Variants in CHEK2 observed in about 807,000 individuals in gnomAD.
CHEK2 encodes serine/threonine-protein kinase Chk2.
In CHEK2, 71 loss-of-function variants were observed where a neutral mutation model predicts 69.1. That is an observed-to-expected ratio of 1.03 (90% confidence interval 0.85 to 1.25). The LOEUF (loss-of-function observed/expected upper bound fraction) is 1.25, where lower values mean the gene tolerates loss of function less well. Among genes scored for constraint, CHEK2 ranks in the 50% most tolerant of loss-of-function variants. The probability of loss-of-function intolerance (pLI) is 0.00; values close to 1 mark genes in which losing one functional copy is unlikely to be tolerated. For synonymous variants in CHEK2, 189 were observed against 226.9 expected, an observed-to-expected ratio of 0.83 and a Z score of 1.50; for missense variants, 664 against 649.6, an observed-to-expected ratio of 1.02 and a Z score of -0.24.
At chr22:28,707,005 G>A (rs1162690224) in intron 7 of CHEK2, among the ~76,000 whole-genome samples, 3 of 152,192 alleles carry the variant, frequency 2.0e-5, no homozygotes, top group Admixed American at 6.5e-5. Flanking sequence ...GAACTGCTTG[G>A]TTCTGGTTGG....
At chr22:28,690,127 T>C (rs1265067094) in intron 13 of CHEK2, among the ~76,000 whole-genome samples, 15 of 152,176 alleles carry the variant, frequency 9.9e-5, no homozygotes. Context: ...GAGCCAAGCA[T>C]ACCACAGTGG....
intron 5 of CHEK2, among the ~76,000 whole-genome samples, chr22:28,717,129 A>G (rs2145988543): frequency 6.6e-6 from 1 of 152,290 alleles, no homozygotes; most frequent in East Asian, 1.9e-4. Flanking sequence ...CTATAATCCC[A>G]GCACTTTGGG....
Position 28,719,420 on chromosome 22 carries a change from A to G in CHEK2, c.658T>C (p.Tyr220His), listed in dbSNP as rs1555924429. Reference sequence around the variant, plus strand: ...CTTCCAAGAGTTTTTGACATGATGTATTCATCTCTTAATGCCTTAGGATAA... The same window carrying G: ...CTTCCAAGAGTTTTTGACATGATGTGTTCATCTCTTAATGCCTTAGGATAA... Reference protein sequence around the residue: ...SVYPKALRDEYIMSKTLGSGA... With the variant: ...SVYPKALRDEHIMSKTLGSGA... The change falls in exon 5 of 15, where the codon TAC (tyrosine) becomes CAC (histidine). Residue 220 changes from tyrosine (Y) to histidine (H), a missense_variant. By Grantham distance (83) the Tyr-to-His change is moderately conservative. Coordinates refer to ENST00000404276, the MANE Select transcript of CHEK2 (RefSeq NM_007194.4). 6.3e-7 allele frequency: 1 copy of G among 1,593,612 alleles called. No homozygotes were observed. Among genetic ancestry groups the G allele is most frequent in the Non-Finnish European group, 8.6e-7 (1 of 1,168,468 alleles).
At position 28,696,942 on chromosome 22, in the gene CHEK2, T is replaced by A. The variant is rs1361935182; in HGVS notation, c.1054A>T (p.Asn352Tyr). The A allele has an allele frequency of 6.2e-7, 1 of 1,613,578 alleles. No individual in the cohort carries two copies. The highest frequency in any genetic ancestry group is 8.5e-7 in the Non-Finnish European group (1 of 1,179,580). The change falls in exon 10 of 15, where the codon AAT becomes TAT. Residue 352 changes from asparagine to tyrosine, a missense_variant. Asn to Tyr is a moderately radical substitution (Grantham distance 143). Coordinates refer to ENST00000404276, the MANE Select transcript of CHEK2 (RefSeq NM_007194.4). ...GIIHRDLKPENVLLSSQEEDC... is the reference protein window; with the variant it reads ...GIIHRDLKPEYVLLSSQEEDC... ...TCTTCTTGAGATGACAGTAAAACAT[T>A]CTCTGGCTTTAAGTCACGGTGTATA...
In CHEK2 at chr22:28,739,646, G is replaced by T. The variant is rs904685698; in HGVS notation, c.-7+2123C>A. 7.3e-5 allele frequency among the ~76,000 whole-genome samples: 11 copies of T among 151,700 alleles called. No individual in the cohort carries two copies. The South Asian group carries it at 2.3e-3, about 32-fold the overall frequency. ...AGAGGAGGCAGTGAGCCAAAATCGCGCCACTGCATTCCAGCCTGGGCGACA... is the reference window on the plus strand; with the variant it reads ...AGAGGAGGCAGTGAGCCAAAATCGCTCCACTGCATTCCAGCCTGGGCGACA... On this transcript the variant is annotated intron_variant, in intron 1 of 14. Transcript: ENST00000404276.
intron 5 of CHEK2, among the ~76,000 whole-genome samples, chr22:28,717,236 G>T (rs957578520): frequency 6.6e-6 from 1 of 152,018 alleles, no homozygotes; most frequent in East Asian, 1.9e-4. Context: ...AAATTAGCTG[G>T]GTGTGGTGGC....
intron 7 of CHEK2, among the ~76,000 whole-genome samples, chr22:28,707,903 C>T (rs191284137): frequency 7.5e-6 from 1 of 133,126 alleles, no homozygotes; most frequent in African/African-American, 2.8e-5. Context: ...GTGGCACAAT[C>T]TCGGCTCACT....
intron 5 of CHEK2, 134 bp from the exon 6 acceptor site, chr22:28,712,151 G>A: frequency 1.4e-6 from 1 of 694,200 alleles, no homozygotes; most frequent in Non-Finnish European, 2.5e-6. Flanking sequence ...TGTTTGCAGA[G>A]GACACAGTGA....
Position 28,694,041 on chromosome 22 carries a change from C to A in CHEK2, c.1452G>T (p.Pro484=), listed in dbSNP as rs749156425. ...RFTTEEALRH[P]WLQDEDMKRK... ...ACTGTCCCACACCCACCTGAAGCCA[C>A]GGGTGTCTTAAGGCTTCTTCTGTCG... The change falls in exon 13 of 15, where the codon CCG becomes CCT. Residue 484 remains proline, a synonymous_variant. Coordinates refer to ENST00000404276, the MANE Select transcript of CHEK2 (RefSeq NM_007194.4). The A allele has an allele frequency of 1.3e-6, 2 of 1,594,208 alleles. No individual in the cohort carries two copies. Among genetic ancestry groups the A allele is most frequent in the South Asian group, 2.2e-5 (2 of 90,944 alleles).
chr22:28,723,395 G>C (rs561363436), intron 4 of CHEK2, among the ~76,000 whole-genome samples: 62 of 150,098 alleles, frequency 4.1e-4, no homozygotes, highest in Non-Finnish European at 6.7e-4. Context: ...TCAGGAGATC[G>C]AGACCATCCT....
intron 7 of CHEK2, among the ~76,000 whole-genome samples, chr22:28,705,935 C>A (rs2053115352): frequency 7.3e-6 from 1 of 137,912 alleles, no homozygotes; most frequent in Non-Finnish European, 1.6e-5. Context: ...AAGAGTGAAA[C>A]TCCGTCTCAA....
intron 4 of CHEK2, among the ~76,000 whole-genome samples, chr22:28,723,391 G>A (rs17879152): frequency 6.7e-6 from 1 of 150,288 alleles, no homozygotes; most frequent in East Asian, 2.0e-4. Flanking sequence ...GAGGTCAGGA[G>A]ATCGAGACCA....
intron 5 of CHEK2, among the ~76,000 whole-genome samples, chr22:28,716,083 G>C (rs972074527): frequency 2.6e-5 from 4 of 151,930 alleles, no homozygotes; most frequent in Admixed American, 2.6e-4. Context: ...CAGCTGCCCA[G>C]GCTGGTCTTG....
chr22:28,702,942 T>C lies in CHEK2; in HGVS notation c.908+563A>G, dbSNP rs17883236. On this transcript the variant is annotated intron_variant, in intron 8 of 14. Transcript: ENST00000404276. ...TTCTACAGTACTGTTTAGAAAATAA[T>C]AACAAGAAAAATGTTTGTTCATGTT... Among the ~76,000 whole-genome samples, 240 of 152,338 alleles carry C rather than the reference T, an allele frequency of 1.6e-3. 8 individuals are homozygous for C. The South Asian group carries it at 0.047, about 30-fold the overall frequency.
chr22:28,693,067 C>G (rs2052426283), intron 13 of CHEK2, among the ~76,000 whole-genome samples: 2 of 152,066 alleles, frequency 1.3e-5, no homozygotes, highest in Non-Finnish European at 2.9e-5. Flanking sequence ...TTCTTTATAG[C>G]AGTGTGAGAA....
chr22:28,694,846 C>G (rs1022375722), intron 12 of CHEK2, among the ~76,000 whole-genome samples: 3 of 152,104 alleles, frequency 2.0e-5, no homozygotes, highest in African/African-American at 7.2e-5. Flanking sequence ...TCACAAAAAC[C>G]TTTTAAGGTA....
chr22:28,708,140 A>G (rs2053228431), intron 7 of CHEK2, among the ~76,000 whole-genome samples: 1 of 151,550 alleles, frequency 6.6e-6, no homozygotes, highest in Non-Finnish European at 1.5e-5. Context: ...CGCCCACCGC[A>G]TTTGTGTTTA....
intron 7 of CHEK2, among the ~76,000 whole-genome samples, chr22:28,705,848 C>A (rs2053108384): frequency 6.6e-6 from 1 of 152,022 alleles, no homozygotes; most frequent in Non-Finnish European, 1.5e-5. Flanking sequence ...ATCGCTTGTA[C>A]CTGGGAATCG....
chr22:28,702,135 CTGTG>C (rs141703411), intron 8 of CHEK2, among the ~76,000 whole-genome samples: 33,699 of 140,276 alleles, frequency 0.24, 4,195 homozygotes, highest in African/African-American at 0.3. Flanking sequence ...GTGTGTGTGT[CTGTG>C]TGTGTGTGTG....
Sources: allele counts gnomAD v4.1 joint callset (sites outside exome capture counted in the v4.1 genomes callset), GRCh38; gene constraint gnomAD v4.1.1; transcripts MANE v1.5; gene names NCBI Gene and HGNC (gene_info 2026-07-23, HGNC 2026-07-21).